TUSC3: variants seen among roughly 807,000 people sequenced by gnomAD.
The protein encoded by TUSC3 is tumor suppressor candidate 3, also known as dolichyl-diphosphooligosaccharide--protein glycosyltransferase subunit TUSC3.
In TUSC3, 45 loss-of-function variants were observed where a neutral mutation model predicts 44.8. That is an observed-to-expected ratio of 1.00 (90% CI 0.79 to 1.29). The LOEUF (loss-of-function observed/expected upper bound fraction) is 1.29, where lower values mean the gene tolerates loss of function less well. Ranked by LOEUF, TUSC3 falls within the 50% of genes most tolerant of loss-of-function variation. The probability of loss-of-function intolerance (pLI) is 0.00; values close to 1 mark genes in which losing one functional copy is unlikely to be tolerated. For synonymous variants in TUSC3, 212 were observed against 152.9 expected (o/e 1.39, Z -2.85); for missense variants, 519 against 437.9 (o/e 1.19, Z -1.65).
intron 6 of TUSC3, among the ~76,000 whole-genome samples, chr8:15,674,971 G>C (rs1303678773): frequency 6.6e-6 from 1 of 151,860 alleles, no homozygotes; most frequent in African/African-American, 2.4e-5. Flanking sequence ...TTTAAAGTTA[G>C]CCCTTTCCTC....
At position 15,706,220 on chromosome 8, in the gene TUSC3, G is replaced by A. The variant is rs909332961; in HGVS notation, c.799-24446G>A. ...TATTGCATATATATGGTATATTTTG[G>A]TATATATTTATGTGTTTGCTGTTTA... On this transcript the variant is annotated intron_variant, in intron 6 of 10. Transcript: ENST00000503731. Among the ~76,000 whole-genome samples the A allele has an allele frequency of 5.9e-5, 9 of 151,812 alleles. No individual in the cohort carries two copies. In the Admixed American group the frequency reaches 5.9e-4, roughly 10 times the overall value.
chr8:15,804,756 G>C, the TUSC3 span, among the ~76,000 whole-genome samples: 1 of 152,124 alleles, frequency 6.6e-6, no homozygotes, highest in African/African-American at 2.4e-5. Context: ...TGGGTATTGT[G>C]ATGCCTCCTC....
At chr8:15,470,582 C>A (rs1261290386) in intron 1 of TUSC3, among the ~76,000 whole-genome samples, 2 of 151,956 alleles carry the variant, frequency 1.3e-5, no homozygotes, top group African/African-American at 2.4e-5. Flanking sequence ...TACTTTCTGC[C>A]CAATTTTTCT....
chr8:15,579,349 CTTCTGCT>C (rs1421210128), intron 1 of TUSC3, among the ~76,000 whole-genome samples: 1 of 137,854 alleles, frequency 7.3e-6, no homozygotes, highest in Admixed American at 7.5e-5. Flanking sequence ...TATTTCTTGC[CTTCTGCT>C]ATCTTTTGAA....
chr8:15,473,633 T>G, intron 1 of TUSC3, among the ~76,000 whole-genome samples: 1 of 152,122 alleles, frequency 6.6e-6, no homozygotes, highest in East Asian at 1.9e-4. Flanking sequence ...ACATCATATA[T>G]CGGCAGGACC....
At chr8:15,588,736 G>A (rs1410877378) in intron 1 of TUSC3, among the ~76,000 whole-genome samples, 2 of 152,126 alleles carry the variant, frequency 1.3e-5, no homozygotes, top group East Asian at 3.8e-4. Flanking sequence ...TGTATATGGT[G>A]AGAGACAGGG....
chr8:15,426,862 A>G (rs139533264), intron 1 of TUSC3, among the ~76,000 whole-genome samples: 32 of 152,328 alleles, frequency 2.1e-4, no homozygotes, highest in African/African-American at 7.5e-4. Context: ...GCATTGTACA[A>G]GGGTTCCACA....
intron 1 of TUSC3, among the ~76,000 whole-genome samples, chr8:15,447,274 C>G (rs1326897988): frequency 1.3e-5 from 2 of 152,054 alleles, no homozygotes. Flanking sequence ...CGAGCAAGAT[C>G]TAAGGAGTTT....
rs1452718845 is a variant in TUSC3, at chr8:15,453,663, G to GAAT, written n.92-29721_92-29719dup. Among the ~76,000 whole-genome samples, 10 of 152,252 alleles carry GAAT rather than the reference G, an allele frequency of 6.6e-5. No individual in the cohort carries two copies. In the East Asian group the frequency reaches 1.9e-3, roughly 29 times the overall value. ...CAAACACAACTTAAATATATTTATG[G>GAAT]AATATTTTACTTACATTAATCACTT... On this transcript the variant is annotated intron_variant and non_coding_transcript_variant, in intron 1 of 5. Transcript: ENST00000503191.
the TUSC3 span, among the ~76,000 whole-genome samples, chr8:15,817,552 G>A: frequency 1.4e-3 from 218 of 152,122 alleles, no homozygotes; most frequent in Non-Finnish European, 2.0e-3. Flanking sequence ...TGCTGTTCCC[G>A]TGACAGTGAG....
At chr8:15,693,054 A>C (rs6530894) in intron 6 of TUSC3, among the ~76,000 whole-genome samples, 1 of 152,122 alleles carries the variant, frequency 6.6e-6, no homozygotes, top group African/African-American at 2.4e-5. Flanking sequence ...ATGTCACTGC[A>C]TGTGAGATGG....
chr8:15,747,343 C>CTGAAGTGAATAAAAGG, intron 8 of TUSC3, among the ~76,000 whole-genome samples: 1 of 151,828 alleles, frequency 6.6e-6, no homozygotes, highest in East Asian at 1.9e-4. Context: ...TTAGAATTCT[C>CTGAAGTGAATAAAAGG]TGAAGTGAAT....
chr8:15,568,451 C>G (rs574179711), intron 1 of TUSC3, among the ~76,000 whole-genome samples: 1 of 152,142 alleles, frequency 6.6e-6, no homozygotes, highest in South Asian at 2.1e-4. Flanking sequence ...TACCTTATTA[C>G]TATATGAACT....
At chr8:15,458,219 A>G (rs1255095564) in intron 1 of TUSC3, among the ~76,000 whole-genome samples, 1 of 152,152 alleles carries the variant, frequency 6.6e-6, no homozygotes, top group Non-Finnish European at 1.5e-5. Flanking sequence ...TTTAGTTTAT[A>G]AAGTGCTTAC....
At chr8:15,593,570 A>G (rs1803942172) in intron 1 of TUSC3, among the ~76,000 whole-genome samples, 1 of 152,108 alleles carries the variant, frequency 6.6e-6, no homozygotes, top group African/African-American at 2.4e-5. Flanking sequence ...TTAAAGTTGA[A>G]ACCATTTGAG....
At chr8:15,688,451 T>A (rs1808737205) in intron 6 of TUSC3, among the ~76,000 whole-genome samples, 1 of 129,014 alleles carries the variant, frequency 7.8e-6, no homozygotes, top group Non-Finnish European at 1.7e-5. Flanking sequence ...TTTTTTTAAC[T>A]TTTAGGTTCA....
At chr8:15,619,672 TTTG>T (rs1375716182) in intron 1 of TUSC3, among the ~76,000 whole-genome samples, 1 of 149,818 alleles carries the variant, frequency 6.7e-6, no homozygotes, top group African/African-American at 2.5e-5. Flanking sequence ...TTTGTATTTT[TTTG>T]TTTGTTTGTT....
intron 1 of TUSC3, among the ~76,000 whole-genome samples, chr8:15,592,820 G>T (rs1242121968): frequency 6.6e-6 from 1 of 152,088 alleles, no homozygotes; most frequent in Admixed American, 6.6e-5. Context: ...TGTGATACAG[G>T]TACCCTTAAT....
At chr8:15,545,626 C>T (rs1352770456) in intron 1 of TUSC3, among the ~76,000 whole-genome samples, 1 of 151,620 alleles carries the variant, frequency 6.6e-6, no homozygotes, top group Admixed American at 6.6e-5. Context: ...CAAAAGAGAA[C>T]ATTTTCAGGG....
Sources: allele counts gnomAD v4.1 joint callset (sites outside exome capture counted in the v4.1 genomes callset), GRCh38; gene constraint gnomAD v4.1.1; transcripts MANE v1.5; gene names NCBI Gene and HGNC (gene_info 2026-07-23, HGNC 2026-07-21).